The following ASB13 variants were observed in gnomAD, a reference collection of about 807,000 sequenced individuals.
ASB13 encodes ankyrin repeat and SOCS box protein 13.
In ASB13, 33 loss-of-function variants were observed where a neutral mutation model predicts 28.8. The ratio of observed to expected loss-of-function variants is 1.15; its 90% CI spans 0.87 to 1.53. ASB13 has a LOEUF of 1.53. Ranked by LOEUF, ASB13 falls within the 40% of genes most tolerant of loss-of-function variation. ASB13 has a pLI of 0.00. For missense variants in ASB13, 414 were observed against 390.1 expected (o/e 1.06, Z -0.52); for synonymous variants, 182 against 172.9 (o/e 1.05, Z -0.41).
intron 1 of ASB13, among the ~76,000 whole-genome samples, chr10:5,653,615 CA>C (rs1835023765): frequency 6.6e-6 from 1 of 152,210 alleles, no homozygotes; most frequent in Non-Finnish European, 1.5e-5. Flanking sequence ...ATGTCATCTG[CA>C]AACAAAGATC....
Position 5,641,882 on chromosome 10 carries a change from C to T in ASB13, c.597G>A (p.Glu199=), listed in dbSNP as rs767399834. 6 of 1,614,158 alleles carry T rather than the reference C, an allele frequency of 3.7e-6. No individual in the cohort carries two copies. The highest frequency in any genetic ancestry group is 5.1e-6 in the Non-Finnish European group (6 of 1,180,018). Residue 199 remains glutamate, a synonymous_variant, in exon 5 of 6, where the codon GAG becomes GAA. Transcript: ENST00000357700. The surrounding 1 kb of genome is among the most constrained non-coding windows in gnomAD (Gnocchi z 8.4). ...AAKVKNVDLI[E]MLIEFGGNIY... The stretch of plus-strand genomic sequence containing the variant: ...TGTTGCCGCCAAACTCGATAAGCAT[C>T]TCGATGAGGTCAACATTCTTGACCT...
rs999471958 is a variant in ASB13, at chr10:5,664,017, A to C, written c.43+2492T>G. ...GGGGAGACATAAATCCATATAAACA[A>C]GTAGAAAACAAACAGGCTGGGGAGT... is the stretch of plus-strand genomic sequence containing the variant. On this transcript the variant is annotated intron_variant, in intron 1 of 5. Coordinates refer to ENST00000357700, the MANE Select transcript of ASB13 (RefSeq NM_024701.4). The surrounding 1 kb of genome is among the most constrained non-coding windows in gnomAD (Gnocchi z 4.2). 2.6e-5 allele frequency among the ~76,000 whole-genome samples: 4 copies of C among 152,184 alleles called. No homozygotes were observed. Among genetic ancestry groups the C allele is most frequent in the Non-Finnish European group, 5.9e-5 (4 of 68,032 alleles).
chr10:5,642,486 C>A lies in ASB13; in HGVS notation c.518-525G>T. 1.7e-6 allele frequency: 2 copies of A among 1,201,680 alleles called. No individual in the cohort carries two copies. Among genetic ancestry groups the A allele is most frequent in the Middle Eastern group, 2.3e-4 (1 of 4,316 alleles). 74.4% of individuals were successfully genotyped at this position (1,201,680 alleles called of 1,614,324 possible). On this transcript the variant is annotated intron_variant, in intron 4 of 5. Coordinates refer to ENST00000357700, the MANE Select transcript of ASB13 (RefSeq NM_024701.4). The surrounding 1 kb of genome is among the most constrained non-coding windows in gnomAD (Gnocchi z 4.1). Reference sequence around the variant, plus strand: ...CAGATAACGTACCCAAAACAGTAGGCAATTCAGAGAAGAGAGTAAGCTCTG... The same window carrying A: ...CAGATAACGTACCCAAAACAGTAGGAAATTCAGAGAAGAGAGTAAGCTCTG...
Position 5,650,590 on chromosome 10 carries a change from T to C in ASB13, c.382+623A>G, listed in dbSNP as rs574963481. ...CTCGAAAGAGTAGAATCTAAACTCC[T>C]TAGTCTGTCATTTAAACATCTTCCC... is the stretch of plus-strand genomic sequence containing the variant. On this transcript the variant is annotated intron_variant, in intron 3 of 5. Transcript: ENST00000357700. The surrounding 1 kb of genome is among the most constrained non-coding windows in gnomAD (Gnocchi z 6.0). Among the ~76,000 whole-genome samples the C allele has an allele frequency of 8.9e-4, 135 of 152,332 alleles. No homozygotes were observed. Among genetic ancestry groups the C allele is most frequent in the African/African-American group, 3.0e-3 (123 of 41,568 alleles).
Position 5,652,926 on chromosome 10 carries a change from CA to C in ASB13, c.167del (p.Leu56ArgfsTer46). On this transcript the variant is annotated frameshift_variant, in exon 2 of 6. Coordinates refer to ENST00000357700, the MANE Select transcript of ASB13 (RefSeq NM_024701.4). LOFTEE classifies it high-confidence loss of function. The surrounding 1 kb of genome is among the most constrained non-coding windows in gnomAD (Gnocchi z 5.0). The part of the protein sequence containing the change: ...NQVTVDSITP[L>X]HAASLQGQAR... ...CCTGGCCCTGCAGACTGGCTGCGTG[CA>C]GGGGCGTGATGGAGTCCACGGTGAC... 1 of 1,584,242 alleles carries C rather than the reference CA, an allele frequency of 6.3e-7. No homozygotes were observed.
intron 1 of ASB13, among the ~76,000 whole-genome samples, chr10:5,657,415 C>T (rs534984605): frequency 1.8e-3 from 268 of 145,564 alleles, no homozygotes; most frequent in African/African-American, 6.4e-3. Flanking sequence ...CAGCCACAAA[C>T]ATAAAAAAAA....
In ASB13 at chr10:5,652,827, A is replaced by T. The variant is rs1174688693; in HGVS notation, c.231+36T>A. The T allele has an allele frequency of 4.1e-6, 6 of 1,477,938 alleles. No homozygotes were observed. The Admixed American group carries it at 1.4e-4, about 34-fold the overall frequency. 91.6% of individuals were successfully genotyped at this position (1,477,938 alleles called of 1,614,324 possible). A position where few individuals can be genotyped will look rare whatever the true frequency, so the allele number is the denominator to read the frequency against. ...CAACCTCCTCCATTCTGGCAGCTGC[A>T]GCCAGTCTGGGGGTCTGCCCTGAAG... is the stretch of plus-strand genomic sequence containing the variant. On this transcript the variant is annotated intron_variant, in intron 2 of 5. Coordinates refer to ENST00000357700, the MANE Select transcript of ASB13 (RefSeq NM_024701.4). This position sits in a 1 kb window ranked among gnomAD's most constrained non-coding sequence, Gnocchi z 5.0.
chr10:5,642,583 T>C lies in ASB13; in HGVS notation c.518-622A>G. 1 of 1,187,062 alleles carries C rather than the reference T, an allele frequency of 8.4e-7. No homozygotes were observed. Among genetic ancestry groups the C allele is most frequent in the South Asian group, 1.4e-5 (1 of 71,126 alleles). 73.5% of individuals were successfully genotyped at this position (1,187,062 alleles called of 1,614,324 possible). A position where few individuals can be genotyped will look rare whatever the true frequency, so the allele number is the denominator to read the frequency against. On this transcript the variant is annotated intron_variant, in intron 4 of 5. Transcript: ENST00000357700. The surrounding 1 kb of genome is among the most constrained non-coding windows in gnomAD (Gnocchi z 4.1). ...TTAAAAGTAAAGGTAAAAAAAAATT[T>C]TTTTTTAAAAAAAAGAGCAGACATT...
In ASB13 at chr10:5,642,454, A is replaced by T. The variant is rs1469298048; in HGVS notation, c.518-493T>A. On this transcript the variant is annotated intron_variant, in intron 4 of 5. Transcript: ENST00000357700. The surrounding 1 kb of genome is among the most constrained non-coding windows in gnomAD (Gnocchi z 4.1). Reference sequence around the variant, plus strand: ...TTAACAATGCATATTCTTTTACAAAAGGAAAACAGATAACGTACCCAAAAC... The same window carrying T: ...TTAACAATGCATATTCTTTTACAAATGGAAAACAGATAACGTACCCAAAAC... The T allele has an allele frequency of 8.7e-7, 1 of 1,148,208 alleles. No homozygotes were observed. The highest frequency in any genetic ancestry group is 1.1e-6 in the Non-Finnish European group (1 of 913,272). 71.1% of individuals were successfully genotyped at this position (1,148,208 alleles called of 1,614,324 possible).
intron 4 of ASB13, among the ~76,000 whole-genome samples, chr10:5,648,152 C>A (rs564198653): frequency 2.7e-5 from 4 of 150,932 alleles, no homozygotes; most frequent in East Asian, 2.0e-4. Flanking sequence ...AACAACCACG[C>A]GGGTAAACAC....
rs115431457 is a variant in ASB13, at chr10:5,645,667, T to C, written c.517+3303A>G. Among the ~76,000 whole-genome samples, 5 of 152,250 alleles carry C rather than the reference T, an allele frequency of 3.3e-5. No individual in the cohort carries two copies. Among genetic ancestry groups the C allele is most frequent in the African/African-American group, 1.2e-4 (5 of 41,522 alleles). On this transcript the variant is annotated intron_variant, in intron 4 of 5. Coordinates refer to ENST00000357700, the MANE Select transcript of ASB13 (RefSeq NM_024701.4). The surrounding 1 kb of genome is among the most constrained non-coding windows in gnomAD (Gnocchi z 5.4). ...ATCCCTCTCCCCTCTCCACAGTAACTGGTTCAAATGATCCAGGCTTGAGCC... is the reference window on the plus strand; with the variant it reads ...ATCCCTCTCCCCTCTCCACAGTAACCGGTTCAAATGATCCAGGCTTGAGCC...
At position 5,658,248 on chromosome 10, in the gene ASB13, T is replaced by C. The variant is rs1214972485; in HGVS notation, c.44-5198A>G. 6.6e-6 allele frequency among the ~76,000 whole-genome samples: 1 copy of C among 152,122 alleles called. No homozygotes were observed. Among genetic ancestry groups the C allele is most frequent in the Non-Finnish European group, 1.5e-5 (1 of 68,014 alleles). ...CTTTGGGAGGCCGAGGCAGGCAATA[T>C]GGTGAAACCCCATCTCTACTAAAAT... On this transcript the variant is annotated intron_variant, in intron 1 of 5. Transcript: ENST00000357700. The surrounding 1 kb of genome is among the most constrained non-coding windows in gnomAD (Gnocchi z 4.2).
At position 5,664,054 on chromosome 10, in the gene ASB13, C is replaced by T. The variant is rs1434700196; in HGVS notation, c.43+2455G>A. On this transcript the variant is annotated intron_variant, in intron 1 of 5. Coordinates refer to ENST00000357700, the MANE Select transcript of ASB13 (RefSeq NM_024701.4). The surrounding 1 kb of genome is among the most constrained non-coding windows in gnomAD (Gnocchi z 4.2). The stretch of plus-strand genomic sequence containing the variant: ...ACAGGCTGGGGAGTGATTTCCAGAC[C>T]ATCGGGGGAGCTGGAGAGCAGGCTG... Among the ~76,000 whole-genome samples the T allele has an allele frequency of 6.6e-6, 1 of 152,088 alleles. No individual in the cohort carries two copies. The highest frequency in any genetic ancestry group is 1.5e-5 in the Non-Finnish European group (1 of 68,006).
rs1227454910 is a variant in ASB13 at position 5,664,271 on chromosome 10, A to G, written c.43+2238T>C. ...CCAGAGCAGCAGCAGGCAGAGCTGG[A>G]AGACCCAAGGCTGCAGGGCACACGT... On this transcript the variant is annotated intron_variant, in intron 1 of 5. Transcript: ENST00000357700. This position sits in a 1 kb window ranked among gnomAD's most constrained non-coding sequence, Gnocchi z 4.2. 6.9e-6 allele frequency among the ~76,000 whole-genome samples: 1 copy of G among 144,994 alleles called. No homozygotes were observed. The highest frequency in any genetic ancestry group is 1.5e-5 in the Non-Finnish European group (1 of 66,440).
chr10:5,650,030 G>A lies in ASB13; in HGVS notation c.383-926C>T, dbSNP rs970674434. 6.6e-6 allele frequency among the ~76,000 whole-genome samples: 1 copy of A among 152,096 alleles called. No homozygotes were observed. The highest frequency in any genetic ancestry group is 2.4e-5 in the African/African-American group (1 of 41,418). Reference sequence around the variant, plus strand: ...AGCCCCAGCCCCAGAGCCATGTGCTGGCCACCGGCCGGTGTCTCCCACTCT... The same window carrying A: ...AGCCCCAGCCCCAGAGCCATGTGCTAGCCACCGGCCGGTGTCTCCCACTCT... On this transcript the variant is annotated intron_variant, in intron 3 of 5. Transcript: ENST00000357700. This position sits in a 1 kb window ranked among gnomAD's most constrained non-coding sequence, Gnocchi z 6.0.
intron 4 of ASB13, among the ~76,000 whole-genome samples, chr10:5,648,041 A>ACGGG (rs1380932683): frequency 4.5e-4 from 50 of 110,314 alleles, no homozygotes; most frequent in African/African-American, 1.3e-3. Flanking sequence ...ACACCTACTC[A>ACGGG]GGCAAACACC....
rs1438488448 is a variant in ASB13 at position 5,651,184 on chromosome 10, T to TGGGCCAGCCCAGCC, written c.382+15_382+28dup. ...AAGGAGGAAACTTCCAGAGCCCAGC[T>TGGGCCAGCCCAGCC]GGGCCAGCCCAGCCGTCTGCCAACT... On this transcript the variant is annotated intron_variant, in intron 3 of 5. Coordinates refer to ENST00000357700, the MANE Select transcript of ASB13 (RefSeq NM_024701.4). This position sits in a 1 kb window ranked among gnomAD's most constrained non-coding sequence, Gnocchi z 5.1. The TGGGCCAGCCCAGCC allele has an allele frequency of 6.3e-7, 1 of 1,577,240 alleles. No homozygotes were observed. The highest frequency in any genetic ancestry group is 2.3e-5 in the East Asian group (1 of 43,184).
At chr10:5,654,746 G>A (rs1310590181) in intron 1 of ASB13, among the ~76,000 whole-genome samples, 1 of 152,034 alleles carries the variant, frequency 6.6e-6, no homozygotes, top group Non-Finnish European at 1.5e-5. Context: ...TTACTATTCT[G>A]ACATGTCCCT....
chr10:5,650,212 C>A lies in ASB13; in HGVS notation c.382+1001G>T, dbSNP rs2131447947. On this transcript the variant is annotated intron_variant, in intron 3 of 5. Coordinates refer to ENST00000357700, the MANE Select transcript of ASB13 (RefSeq NM_024701.4). The surrounding 1 kb of genome is among the most constrained non-coding windows in gnomAD (Gnocchi z 6.0). ...CCACCAGCCTACTCTGAGCACTGGG[C>A]ACCTTGATCTCAGCGATGGTCCCCA... 6.6e-6 allele frequency among the ~76,000 whole-genome samples: 1 copy of A among 152,306 alleles called. No homozygotes were observed. The highest frequency in any genetic ancestry group is 1.9e-4 in the East Asian group (1 of 5,178).
Sources: allele counts gnomAD v4.1 joint callset (sites outside exome capture counted in the v4.1 genomes callset), GRCh38; gene constraint gnomAD v4.1.1; non-coding constraint Gnocchi (gnomAD v3.1); transcripts MANE v1.5; gene names NCBI Gene and HGNC (gene_info 2026-07-23, HGNC 2026-07-21).